The following TP63 variants were observed in gnomAD, a reference collection of about 807,000 sequenced individuals.
TP63 encodes tumor protein p63.
In TP63, 17 loss-of-function variants were observed where a neutral mutation model predicts 82.8. The ratio of observed to expected loss-of-function variants is 0.21; its 90% CI spans 0.14 to 0.31. The LOEUF (loss-of-function observed/expected upper bound fraction) is 0.31. TP63 is among the 10% of genes least tolerant of loss of function. The probability of loss-of-function intolerance (pLI) is 1.00; values close to 1 mark genes in which losing one functional copy is unlikely to be tolerated. For missense variants in TP63, 648 were observed against 895.3 expected (o/e 0.72, Z 3.52); for synonymous variants, 330 against 321.7 (o/e 1.03, Z -0.28).
the TP63 span, among the ~76,000 whole-genome samples, chr3:189,606,387 T>C: frequency 6.6e-6 from 1 of 151,640 alleles, no homozygotes; most frequent in Non-Finnish European, 1.5e-5. Flanking sequence ...GTACCATGAG[T>C]GTGAAGCAAT....
intron 4 of TP63, among the ~76,000 whole-genome samples, chr3:189,817,883 A>G (rs933078335): frequency 5.9e-5 from 9 of 152,010 alleles, no homozygotes; most frequent in African/African-American, 1.9e-4. Context: ...AAATGCAGTC[A>G]TCTTTACTGG....
intron 1 of TP63, among the ~76,000 whole-genome samples, chr3:189,722,762 T>C (rs999734168): frequency 1.3e-5 from 2 of 152,234 alleles, no homozygotes; most frequent in African/African-American, 4.8e-5. Flanking sequence ...CTTAGATCAA[T>C]GCCCAGCATG....
chr3:189,771,150 A>C (rs890215646), intron 3 of TP63, among the ~76,000 whole-genome samples: 3 of 151,034 alleles, frequency 2.0e-5, no homozygotes, highest in African/African-American at 2.4e-5. Flanking sequence ...CTAACATTAA[A>C]CAAGTAAAAA....
chr3:189,672,541 A>G (rs748097176), intron 1 of TP63, among the ~76,000 whole-genome samples: 18 of 151,090 alleles, frequency 1.2e-4, no homozygotes, highest in Non-Finnish European at 2.2e-4. Context: ...GGGGAAGGCT[A>G]CAGTGAGCCG....
chr3:189,675,698 G>A (rs910269884), intron 1 of TP63, among the ~76,000 whole-genome samples: 21 of 152,126 alleles, frequency 1.4e-4, no homozygotes, highest in African/African-American at 4.3e-4. Flanking sequence ...GCACGGTTAT[G>A]TCTCCTGCTC....
chr3:189,849,080 G>A (rs760777714), intron 4 of TP63, among the ~76,000 whole-genome samples: 2 of 152,180 alleles, frequency 1.3e-5, no homozygotes, highest in Non-Finnish European at 2.9e-5. Context: ...AAAAGGACAG[G>A]TTTCAGCAAG....
At chr3:189,815,195 A>T (rs1298249728) in intron 4 of TP63, among the ~76,000 whole-genome samples, 1 of 147,378 alleles carries the variant, frequency 6.8e-6, no homozygotes, top group African/African-American at 2.5e-5. Context: ...ATTTTTTTTT[A>T]CTATAGCTTC....
intron 4 of TP63, among the ~76,000 whole-genome samples, chr3:189,848,338 G>A (rs1031062851): frequency 5.5e-5 from 8 of 146,052 alleles, no homozygotes; most frequent in Non-Finnish European, 8.9e-5. Context: ...GCACTCAAGT[G>A]ATCCTCTGCA....
At chr3:189,880,440 TTGTC>T (rs1719790630) in intron 10 of TP63, 3 of 1,076,196 alleles carry the variant, frequency 2.8e-6, no homozygotes, top group Non-Finnish European at 2.3e-6. Context: ...ACCACTGTGT[TTGTC>T]TGTGAGCTTT....
chr3:189,643,853 G>T (rs2177), intron 1 of TP63, among the ~76,000 whole-genome samples: 5,049 of 152,152 alleles, frequency 0.033, 120 homozygotes, highest in Non-Finnish European at 0.045. Flanking sequence ...GCTGTTTTGG[G>T]ATCATAGTTG....
Position 189,872,938 on chromosome 3 carries a change from C to T in TP63, c.1292C>T (p.Thr431Ile). The change falls in exon 10 of 14, where the codon ACA becomes ATA. Residue 431 changes from threonine to isoleucine, a missense_variant. Transcript: ENST00000264731. ...LELMQYLPQH[T>I]IETYRQQQQQ... ...CTCATGCAGTACCTTCCTCAGCACA[C>T]AATTGAAACGTACAGGCAACAGCAA... The T allele has an allele frequency of 1.2e-6, 2 of 1,614,128 alleles. No homozygotes were observed. The highest frequency in any genetic ancestry group is 1.7e-6 in the Non-Finnish European group (2 of 1,179,998).
intron 1 of TP63, among the ~76,000 whole-genome samples, chr3:189,673,452 A>G (rs1715108146): frequency 6.6e-6 from 1 of 152,166 alleles, no homozygotes; most frequent in African/African-American, 2.4e-5. Context: ...AAATATATAA[A>G]GTAAACAAAA....
intron 10 of TP63, among the ~76,000 whole-genome samples, chr3:189,882,125 G>C (rs1297108509): frequency 6.6e-6 from 1 of 151,978 alleles, no homozygotes; most frequent in Non-Finnish European, 1.5e-5. Context: ...TATTTGCAAG[G>C]TGTTTTTCAA....
intron 3 of TP63, among the ~76,000 whole-genome samples, chr3:189,802,224 A>G (rs1254050613): frequency 6.6e-6 from 1 of 152,174 alleles, no homozygotes; most frequent in African/African-American, 2.4e-5. Flanking sequence ...AATTGAATGA[A>G]TGCTTTTAAA....
In TP63 at chr3:189,896,206, G is replaced by A. The variant is rs1181688439; in HGVS notation, c.*1704G>A. 4.5e-6 allele frequency: 1 copy of A among 221,028 alleles called. No individual in the cohort carries two copies. Among genetic ancestry groups the A allele is most frequent in the African/African-American group, 2.2e-5 (1 of 44,586 alleles). The allele number at this position is 221,028 out of a possible 1,614,324, so 13.7% of individuals were successfully genotyped here. A position where few individuals can be genotyped will look rare whatever the true frequency, so the allele number is the denominator to read the frequency against. On this transcript the variant is annotated 3_prime_UTR_variant, in exon 14 of 14. Transcript: ENST00000264731. Reference sequence around the variant, plus strand: ...TTTTAAAGTGCAAAAGGGCCAGCGTGGCTCTAAAAGGTAATGTGTGGATTG... The same window carrying A: ...TTTTAAAGTGCAAAAGGGCCAGCGTAGCTCTAAAAGGTAATGTGTGGATTG...
intron 1 of TP63, among the ~76,000 whole-genome samples, chr3:189,682,548 AAAAAAATATATATATATATATATAT>A (rs756441658): frequency 0.34 from 16,507 of 48,910 alleles, 1,426 homozygotes; most frequent in Admixed American, 0.43. Context: ...AAAAAAAAAA[AAAAAAATATATATATATATATATAT>A]ATATATATAT....
intron 10 of TP63, chr3:189,880,952 C>T: frequency 4.1e-6 from 4 of 985,274 alleles, no homozygotes; most frequent in Non-Finnish European, 4.8e-6. Flanking sequence ...GTTGTTTGGC[C>T]CCCATAGCAG....
intron 9 of TP63, among the ~76,000 whole-genome samples, chr3:189,870,274 A>G (rs1269463070): frequency 1.3e-5 from 2 of 152,200 alleles, no homozygotes; most frequent in East Asian, 3.8e-4. Context: ...TGCCTGTTCC[A>G]TATCTGCAGA....
chr3:189,629,170 C>T (rs35139818), upstream of TP63, among the ~76,000 whole-genome samples: 1 of 151,780 alleles, frequency 6.6e-6, no homozygotes, highest in South Asian at 2.1e-4. Context: ...TTGAGTCCAG[C>T]AGTTTGAGAC....
Sources: gnomAD v4.1 joint callset for allele counts (sites outside exome capture counted in the v4.1 genomes callset) on GRCh38, gnomAD v4.1.1 for gene constraint, MANE v1.5 for transcripts, NCBI Gene and HGNC (gene_info 2026-07-23, HGNC 2026-07-21) for gene names.